The following SND1 variants were observed in gnomAD, a reference collection of about 807,000 sequenced individuals.
SND1 encodes staphylococcal nuclease and tudor domain containing 1.
In SND1, 38 loss-of-function variants were observed where a neutral mutation model predicts 121.7. That is an observed-to-expected ratio of 0.31 (90% CI 0.24 to 0.41). The LOEUF (loss-of-function observed/expected upper bound fraction) is 0.41, where lower values mean the gene tolerates loss of function less well. Among genes scored for constraint, SND1 ranks in the 10% least tolerant of loss-of-function variants. The probability of loss-of-function intolerance (pLI) is 1.00; values close to 1 mark genes in which losing one functional copy is unlikely to be tolerated. For synonymous variants in SND1, 401 were observed against 447.4 expected, an observed-to-expected ratio of 0.90 and a Z score of 1.31; for missense variants, 868 against 1,184.6, an observed-to-expected ratio of 0.73 and a Z score of 3.92.
At chr7:127,944,885 A>G (rs1482956902) in intron 15 of SND1, among the ~76,000 whole-genome samples, 1 of 152,188 alleles carries the variant, frequency 6.6e-6, no homozygotes, top group Non-Finnish European at 1.5e-5. Context: ...ACATATTCCC[A>G]TGCATATTCA....
intron 1 of SND1, among the ~76,000 whole-genome samples, chr7:127,657,263 A>C (rs1374309358): frequency 6.6e-6 from 1 of 152,216 alleles, no homozygotes; most frequent in African/African-American, 2.4e-5. Flanking sequence ...AACAAGAAAT[A>C]AGCATGATCA....
intron 21 of SND1, 66 bp from the exon 22 acceptor site, chr7:128,089,423 G>T: frequency 1.4e-6 from 2 of 1,475,412 alleles, no homozygotes; most frequent in African/African-American, 2.8e-5. Context: ...GGAGTCTATG[G>T]ACAGGAGCTG....
chr7:127,850,340 C>G (rs1799141075), intron 12 of SND1, among the ~76,000 whole-genome samples: 2 of 152,194 alleles, frequency 1.3e-5, no homozygotes, highest in African/African-American at 4.8e-5. Flanking sequence ...ATCTGACTTT[C>G]AAGCTACACT....
chr7:127,841,287 C>T (rs1422432614), intron 11 of SND1, among the ~76,000 whole-genome samples: 1 of 151,770 alleles, frequency 6.6e-6, no homozygotes, highest in Non-Finnish European at 1.5e-5. Flanking sequence ...TTAAGCAGTG[C>T]TGATTTTTTC....
chr7:127,837,908 A>G (rs1006268118), intron 11 of SND1, among the ~76,000 whole-genome samples: 2 of 152,220 alleles, frequency 1.3e-5, no homozygotes, highest in African/African-American at 4.8e-5. Flanking sequence ...TTTTACTTCT[A>G]TAGAAGGGTG....
intron 14 of SND1, among the ~76,000 whole-genome samples, chr7:127,918,733 A>G (rs1800639668): frequency 6.6e-6 from 1 of 152,106 alleles, no homozygotes; most frequent in East Asian, 1.9e-4. Flanking sequence ...GGGTTGTTTT[A>G]TTGTTTTTTC....
intron 15 of SND1, among the ~76,000 whole-genome samples, chr7:127,967,497 C>G (rs567148698): frequency 1.3e-5 from 2 of 152,292 alleles, no homozygotes; most frequent in East Asian, 1.9e-4. Context: ...GTACTCCCTT[C>G]CTGATTTCCC....
intron 15 of SND1, among the ~76,000 whole-genome samples, chr7:127,961,161 T>C (rs576325194): frequency 2.8e-4 from 43 of 152,344 alleles, no homozygotes; most frequent in Non-Finnish European, 5.0e-4. Flanking sequence ...CATTTTATCC[T>C]GATTGTTACT....
chr7:128,005,213 A>G (rs2116939065), intron 16 of SND1, among the ~76,000 whole-genome samples: 1 of 152,356 alleles, frequency 6.6e-6, no homozygotes, highest in Non-Finnish European at 1.5e-5. Context: ...TATCAAGCGA[A>G]GTAGCCCTGT....
intron 15 of SND1, among the ~76,000 whole-genome samples, chr7:127,945,877 G>T (rs114332864): frequency 6.6e-6 from 1 of 152,150 alleles, no homozygotes; most frequent in Admixed American, 6.5e-5. Flanking sequence ...GAAAACTAAG[G>T]CCTGGGAAAG....
At chr7:127,878,479 C>G (rs1799731078) in intron 12 of SND1, among the ~76,000 whole-genome samples, 1 of 152,200 alleles carries the variant, frequency 6.6e-6, no homozygotes, top group Admixed American at 6.5e-5. Flanking sequence ...ACAATTGGCT[C>G]TCACAGCCTG....
intron 10 of SND1, among the ~76,000 whole-genome samples, chr7:127,750,247 G>A (rs886476859): frequency 6.6e-6 from 1 of 152,202 alleles, no homozygotes; most frequent in African/African-American, 2.4e-5. Context: ...AGGTCATAGC[G>A]TAAGTATTGA....
chr7:127,927,776 T>G (rs1339875664), intron 14 of SND1, among the ~76,000 whole-genome samples: 1 of 152,214 alleles, frequency 6.6e-6, no homozygotes, highest in East Asian at 1.9e-4. Flanking sequence ...TGAAAACTCT[T>G]GAAATACTTG....
intron 15 of SND1, among the ~76,000 whole-genome samples, chr7:127,967,242 G>A (rs961120882): frequency 6.6e-6 from 1 of 152,164 alleles, no homozygotes; most frequent in East Asian, 1.9e-4. Flanking sequence ...TGGTTTAGGA[G>A]CTAGCACTCT....
chr7:128,086,598 C>A (rs1793691520), intron 20 of SND1: 1 of 367,402 alleles, frequency 2.7e-6, no homozygotes, highest in Non-Finnish European at 5.2e-6. Context: ...CCTGTGGGAA[C>A]GTAGTCAGGG....
chr7:127,945,440 G>A (rs1015057026), intron 15 of SND1, among the ~76,000 whole-genome samples: 5 of 151,852 alleles, frequency 3.3e-5, no homozygotes, highest in Admixed American at 6.6e-5. Flanking sequence ...GCAGTGAGCC[G>A]AGATCGCACC....
chr7:128,038,027 C>T (rs977027398), intron 16 of SND1, among the ~76,000 whole-genome samples: 2 of 152,146 alleles, frequency 1.3e-5, no homozygotes, highest in African/African-American at 4.8e-5. Context: ...TAAGGGATAC[C>T]TCCAGATCAG....
At chr7:127,728,939 G>T (rs1000158854) in intron 10 of SND1, among the ~76,000 whole-genome samples, 1 of 151,970 alleles carries the variant, frequency 6.6e-6, no homozygotes, top group African/African-American at 2.4e-5. Context: ...TAATTGGATT[G>T]CTTGTTTTGC....
intron 10 of SND1, among the ~76,000 whole-genome samples, chr7:127,726,495 C>G (rs529680707): frequency 6.6e-6 from 1 of 152,292 alleles, no homozygotes; most frequent in African/African-American, 2.4e-5. Flanking sequence ...CAGTTGTTTG[C>G]TATAAAGGAA....
Sources: gnomAD v4.1 joint callset for allele counts (sites outside exome capture counted in the v4.1 genomes callset) on GRCh38, gnomAD v4.1.1 for gene constraint, MANE v1.5 for transcripts, NCBI Gene and HGNC (gene_info 2026-07-23, HGNC 2026-07-21) for gene names.